SORCS3: variants seen among roughly 807,000 people sequenced by gnomAD.
SORCS3 encodes sortilin related VPS10 domain containing receptor 3, also known as VPS10 domain-containing receptor SorCS3.
Under a neutral mutation model 146.3 loss-of-function variants are expected in SORCS3, and 57 were observed. The observed-to-expected ratio is 0.39, with a 90% CI of 0.31 to 0.49. SORCS3 has a LOEUF of 0.49. SORCS3 is among the 20% of genes least tolerant of loss of function. The pLI is 0.92. For missense variants in SORCS3, 1,341 were observed against 1,575.5 expected (o/e 0.85, Z 2.52); for synonymous variants, 653 against 618.5 (o/e 1.06, Z -0.83).
chr10:104,735,105 A>C (rs544971786), intron 1 of SORCS3, among the ~76,000 whole-genome samples: 1 of 152,194 alleles, frequency 6.6e-6, no homozygotes, highest in African/African-American at 2.4e-5. Context: ...AAGCACATCA[A>C]GAAAGAGAAG....
chr10:105,167,211 A>G, intron 12 of SORCS3, 47 bp from the exon 13 acceptor site: 1 of 1,446,768 alleles, frequency 6.9e-7, no homozygotes, highest in Non-Finnish European at 9.7e-7. Flanking sequence ...GCACTATGCA[A>G]ATGTAAGGTG....
intron 1 of SORCS3, among the ~76,000 whole-genome samples, chr10:104,725,172 C>G (rs1158461723): frequency 6.6e-6 from 1 of 152,112 alleles, no homozygotes; most frequent in Non-Finnish European, 1.5e-5. Context: ...TGTCCTTTCT[C>G]TTTGTTAGTT....
intron 7 of SORCS3, among the ~76,000 whole-genome samples, chr10:105,129,625 AT>A (rs2056003385): frequency 6.6e-6 from 1 of 150,942 alleles, no homozygotes; most frequent in South Asian, 2.1e-4. Flanking sequence ...GTCCTTTTGT[AT>A]TTCTGCCCTT....
At chr10:104,866,024 A>G (rs1176869412) in intron 2 of SORCS3, among the ~76,000 whole-genome samples, 1 of 152,184 alleles carries the variant, frequency 6.6e-6, no homozygotes, top group East Asian at 1.9e-4. Context: ...TTGGAAAAGA[A>G]AAGGAGAGAA....
intron 3 of SORCS3, among the ~76,000 whole-genome samples, chr10:104,959,738 C>T (rs1404045309): frequency 6.6e-6 from 1 of 152,152 alleles, no homozygotes; most frequent in Admixed American, 6.5e-5. Flanking sequence ...ATTAACTCTG[C>T]CTGTGGGTGA....
intron 1 of SORCS3, among the ~76,000 whole-genome samples, chr10:104,775,725 A>G (rs1564680749): frequency 2.0e-5 from 3 of 152,186 alleles, no homozygotes; most frequent in African/African-American, 4.8e-5. Context: ...TCCAGACAGA[A>G]CATCATTGGC....
chr10:104,981,733 C>T (rs954255703), intron 4 of SORCS3, among the ~76,000 whole-genome samples: 19 of 152,172 alleles, frequency 1.2e-4, no homozygotes, highest in African/African-American at 4.6e-4. Context: ...GGCACATGCT[C>T]ATGTATTCAC....
chr10:105,161,159 C>T (rs183381778), intron 11 of SORCS3, among the ~76,000 whole-genome samples: 2 of 152,252 alleles, frequency 1.3e-5, no homozygotes, highest in African/African-American at 2.4e-5. Flanking sequence ...CCTTGTAATT[C>T]TTGAGGCTTT....
chr10:104,706,582 T>G (rs2016340563), intron 1 of SORCS3, among the ~76,000 whole-genome samples: 1 of 152,196 alleles, frequency 6.6e-6, no homozygotes, highest in Non-Finnish European at 1.5e-5. Flanking sequence ...TGTAAACTAC[T>G]TTAATGAACC....
intron 1 of SORCS3, among the ~76,000 whole-genome samples, chr10:104,662,697 G>T (rs1032491837): frequency 6.6e-6 from 1 of 152,174 alleles, no homozygotes; most frequent in South Asian, 2.1e-4. Flanking sequence ...TTGAATATTT[G>T]TACTTAAGCT....
chr10:104,848,766 A>G (rs2018236665), intron 2 of SORCS3, among the ~76,000 whole-genome samples: 1 of 152,186 alleles, frequency 6.6e-6, no homozygotes, highest in South Asian at 2.1e-4. Flanking sequence ...TTAATCGAGC[A>G]CCCATTATGT....
chr10:104,779,965 C>T (rs543878031), intron 1 of SORCS3, among the ~76,000 whole-genome samples: 5 of 152,020 alleles, frequency 3.3e-5, no homozygotes, highest in Admixed American at 6.6e-5. Context: ...GTCATTCATC[C>T]GAGGGAGGCT....
At chr10:104,650,455 G>C (rs187452664) in intron 1 of SORCS3, among the ~76,000 whole-genome samples, 1 of 152,278 alleles carries the variant, frequency 6.6e-6, no homozygotes, top group East Asian at 1.9e-4. Context: ...CAATCCTGGG[G>C]GGGGCTGATC....
intron 1 of SORCS3, among the ~76,000 whole-genome samples, chr10:104,662,161 T>C (rs773250540): frequency 5.3e-5 from 8 of 152,206 alleles, no homozygotes; most frequent in African/African-American, 9.7e-5. Flanking sequence ...ACTGTATTAT[T>C]GATGTTGAAA....
At position 104,936,628 on chromosome 10, in the gene SORCS3, C is replaced by A. The variant is rs896877500; in HGVS notation, c.795+20696C>A. On this transcript the variant is annotated intron_variant, in intron 3 of 26. Coordinates refer to ENST00000369701, the MANE Select transcript of SORCS3 (RefSeq NM_014978.3). ...CTGTTAAGCTGTTGGATTTATGTGT[C>A]GGGATGTTAGGAAACAGTCTTGAGC... Among the ~76,000 whole-genome samples, 3 of 152,090 alleles carry A rather than the reference C, an allele frequency of 2.0e-5. 1 individual carries two copies. In the South Asian group the frequency reaches 6.2e-4, roughly 32 times the overall value.
chr10:105,223,322 A>G (rs1038424991), intron 20 of SORCS3, 73 bp downstream of exon 20: 2 of 1,421,148 alleles, frequency 1.4e-6, no homozygotes, highest in Non-Finnish European at 1.9e-6. Flanking sequence ...TTATGTGTCT[A>G]TTAGGGGGCA....
chr10:105,071,267 C>G (rs921464943), intron 5 of SORCS3, among the ~76,000 whole-genome samples: 1 of 152,228 alleles, frequency 6.6e-6, no homozygotes, highest in Non-Finnish European at 1.5e-5. Context: ...AAGGCTGTCA[C>G]TACTCTCATG....
intron 3 of SORCS3, among the ~76,000 whole-genome samples, chr10:104,953,496 A>G (rs944923639): frequency 6.6e-6 from 1 of 152,232 alleles, no homozygotes; most frequent in African/African-American, 2.4e-5. Context: ...CCTATTTAAG[A>G]TGTCTAAGGT....
chr10:104,728,831 T>A (rs938637380), intron 1 of SORCS3, among the ~76,000 whole-genome samples: 7 of 152,190 alleles, frequency 4.6e-5, no homozygotes, highest in Admixed American at 2.6e-4. Flanking sequence ...ACTAGTCCTA[T>A]AAGTCACAAA....
Sources: gnomAD v4.1 joint callset for allele counts (sites outside exome capture counted in the v4.1 genomes callset) on GRCh38, gnomAD v4.1.1 for gene constraint, MANE v1.5 for transcripts, NCBI Gene and HGNC (gene_info 2026-07-23, HGNC 2026-07-21) for gene names.